The following SLC4A8 variants were observed in gnomAD, a reference collection of about 807,000 sequenced individuals.
SLC4A8 encodes the protein solute carrier family 4 member 8.
In SLC4A8, 40 loss-of-function variants were observed where a neutral mutation model predicts 125.0. That is an observed-to-expected ratio of 0.32 (90% CI 0.25 to 0.42). The LOEUF is 0.42. Among genes scored for constraint, SLC4A8 ranks in the 10% least tolerant of loss-of-function variants. SLC4A8 has a pLI of 1.00. For missense variants in SLC4A8, 863 were observed against 1,355.1 expected (o/e 0.64, Z 5.70); for synonymous variants, 456 against 476.0 (o/e 0.96, Z 0.55).
In SLC4A8 at chr12:51,475,213, A is replaced by G. The variant is rs763406925; in HGVS notation, c.2172+7A>G. The G allele has an allele frequency of 3.1e-6, 5 of 1,613,300 alleles. No homozygotes were observed. The highest frequency in any genetic ancestry group is 4.2e-6 in the Non-Finnish European group (5 of 1,179,430). The stretch of plus-strand genomic sequence containing the variant: ...CCGTTATTTCCCAACCAGAGTAGGT[A>G]GCATGTTCATGCATTTCTTTCACGT... On this transcript the variant is annotated splice_region_variant and intron_variant, in intron 16 of 24. Transcript: ENST00000453097.
Position 51,471,398 on chromosome 12 carries a change from C to T in SLC4A8, c.1770C>T (p.Thr590=). The T allele has an allele frequency of 6.2e-7, 1 of 1,614,178 alleles. No individual in the cohort carries two copies. Among genetic ancestry groups the T allele is most frequent in the Non-Finnish European group, 8.5e-7 (1 of 1,180,032 alleles). The stretch of plus-strand genomic sequence containing the variant: ...CCAGTTCCCTTGTCTGCTACATTAC[C>T]CGTTTCACTGAAGAAGCATTTGCCT... ...TDASSLVCYI[T]RFTEEAFASL... The change falls in exon 14 of 25, where the codon ACC becomes ACT. Residue 590 remains threonine, a synonymous_variant. Transcript: ENST00000453097.
intron 2 of SLC4A8, among the ~76,000 whole-genome samples, chr12:51,446,161 A>T (rs970980222): frequency 6.6e-6 from 1 of 152,190 alleles, no homozygotes; most frequent in South Asian, 2.1e-4. Context: ...CTCTGGCTCT[A>T]TATTTCTGTT....
At chr12:51,427,673 G>A (rs1302240631) in intron 1 of SLC4A8, among the ~76,000 whole-genome samples, 1 of 152,204 alleles carries the variant, frequency 6.6e-6, no homozygotes. Flanking sequence ...TAACTAGGCT[G>A]TGTGGAGATG....
Position 51,509,738 on chromosome 12 carries a change from T to A in SLC4A8, c.*2300T>A, listed in dbSNP as rs1196064868. The A allele has an allele frequency of 6.6e-6, 1 of 152,244 alleles. No individual in the cohort carries two copies. Among genetic ancestry groups the A allele is most frequent in the African/African-American group, 2.4e-5 (1 of 41,456 alleles). The allele number at this position is 152,244 out of a possible 1,614,324, so 9.4% of individuals were successfully genotyped here. On this transcript the variant is annotated 3_prime_UTR_variant, in exon 25 of 25. Coordinates refer to ENST00000453097, the MANE Select transcript of SLC4A8 (RefSeq NM_001039960.3). Reference sequence around the variant, plus strand: ...GGGAGGAGCCTTCATTAACTCTGTGTAGTGCAGGTACAGGACCACCTGTGC... The same window carrying A: ...GGGAGGAGCCTTCATTAACTCTGTGAAGTGCAGGTACAGGACCACCTGTGC...
intron 21 of SLC4A8, 25 bp from the exon 22 acceptor site, chr12:51,496,962 A>C (rs771058545): frequency 5.6e-6 from 9 of 1,606,740 alleles, no homozygotes; most frequent in Admixed American, 1.7e-5. Context: ...CCTTTAATTC[A>C]CTTTTTTTTT....
chr12:51,477,901 T>A (rs1487560049), intron 16 of SLC4A8, among the ~76,000 whole-genome samples: 1 of 152,138 alleles, frequency 6.6e-6, no homozygotes, highest in East Asian at 1.9e-4. Flanking sequence ...GAGGCCGAGG[T>A]AGGTGGATCA....
intron 2 of SLC4A8, among the ~76,000 whole-genome samples, chr12:51,445,558 T>G (rs1299455164): frequency 6.6e-6 from 1 of 152,024 alleles, no homozygotes; most frequent in African/African-American, 2.4e-5. Flanking sequence ...CTTGTACATC[T>G]CCTTTCCTTC....
intron 11 of SLC4A8, among the ~76,000 whole-genome samples, chr12:51,464,444 A>G (rs919913162): frequency 2.0e-5 from 3 of 152,202 alleles, no homozygotes; most frequent in South Asian, 2.1e-4. Flanking sequence ...TTCTAGGCCA[A>G]CATTTTAAGG....
At chr12:51,505,759 G>A in intron 23 of SLC4A8, 76 bp from the exon 24 acceptor site, 1 of 638,010 alleles carries the variant, frequency 1.6e-6, no homozygotes, top group South Asian at 2.2e-5. Context: ...CTTCTATTGG[G>A]ACAGTGATCA....
At chr12:51,459,060 A>G (rs889405324) in intron 7 of SLC4A8, among the ~76,000 whole-genome samples, 6 of 152,218 alleles carry the variant, frequency 3.9e-5, no homozygotes, top group Non-Finnish European at 7.3e-5. Context: ...GCTCTCCTTG[A>G]GGACTGTGAC....
chr12:51,419,636 C>T (rs982578807), intron 1 of SLC4A8, among the ~76,000 whole-genome samples: 6 of 152,186 alleles, frequency 3.9e-5, no homozygotes, highest in Admixed American at 1.3e-4. Flanking sequence ...TCTTGACTTG[C>T]GGATGACAAC....
At position 51,407,170 on chromosome 12, in the gene SLC4A8, G is replaced by A. The variant is rs558560420; in HGVS notation, c.-112+15682G>A. ...GAGGCAGAAGGGCAACCTGACTGAC[G>A]GGAGGAGCCCTCATGGCCTAATCAT... On this transcript the variant is annotated intron_variant, in intron 1 of 24. Coordinates refer to the SLC4A8 transcript ENST00000358657. Among the ~76,000 whole-genome samples the A allele has an allele frequency of 1.6e-3, 247 of 152,308 alleles. 1 individual carries two copies. Among genetic ancestry groups the A allele is most frequent in the African/African-American group, 5.6e-3 (232 of 41,558 alleles).
chr12:51,477,761 T>C (rs1242287167), intron 16 of SLC4A8, among the ~76,000 whole-genome samples: 4 of 152,222 alleles, frequency 2.6e-5, no homozygotes, highest in Non-Finnish European at 2.9e-5. Flanking sequence ...CTGCCATTTT[T>C]CCATGTATCG....
intron 1 of SLC4A8, among the ~76,000 whole-genome samples, chr12:51,418,833 T>C (rs886700330): frequency 6.6e-6 from 1 of 152,188 alleles, no homozygotes; most frequent in Admixed American, 6.5e-5. Flanking sequence ...TGAATTTATA[T>C]CTATGTCAGA....
intron 16 of SLC4A8, among the ~76,000 whole-genome samples, chr12:51,484,596 A>G (rs1189035383): frequency 6.6e-6 from 1 of 152,232 alleles, no homozygotes; most frequent in Non-Finnish European, 1.5e-5. Flanking sequence ...TGGGCTTCAA[A>G]GCAAAGTGAA....
At chr12:51,394,965 G>T (rs1948229320) in intron 1 of SLC4A8, among the ~76,000 whole-genome samples, 1 of 152,128 alleles carries the variant, frequency 6.6e-6, no homozygotes, top group African/African-American at 2.4e-5. Flanking sequence ...GGAGTTAGAG[G>T]CTGCGGCGAG....
chr12:51,471,681 G>A, intron 14 of SLC4A8, 149 bp downstream of exon 14: 2 of 827,232 alleles, frequency 2.4e-6, no homozygotes, highest in Middle Eastern at 2.9e-4. Flanking sequence ...AAGGAGTATT[G>A]GAGGGCTGCC....
chr12:51,459,805 A>C (rs1357507314), intron 7 of SLC4A8, 146 bp from the exon 8 acceptor site: 2 of 659,208 alleles, frequency 3.0e-6, no homozygotes, highest in East Asian at 5.4e-5. Flanking sequence ...CTGGCAGCAG[A>C]GAGCTGTGAG....
At chr12:51,413,961 G>A (rs1404252441) in intron 1 of SLC4A8, among the ~76,000 whole-genome samples, 1 of 152,150 alleles carries the variant, frequency 6.6e-6, no homozygotes, top group African/African-American at 2.4e-5. Flanking sequence ...TGTGACGAAT[G>A]TCTTTGGTAT....
Sources: allele counts gnomAD v4.1 joint callset (sites outside exome capture counted in the v4.1 genomes callset), GRCh38; gene constraint gnomAD v4.1.1; transcripts MANE v1.5; gene names NCBI Gene and HGNC (gene_info 2026-07-23, HGNC 2026-07-21).